The following SIAH3 variants were observed in gnomAD, a reference collection of about 807,000 sequenced individuals.
SIAH3 encodes the protein seven in absentia homolog 3.
SIAH3 carries 9 observed loss-of-function variants against 12.6 expected under a neutral mutation model. The ratio of observed to expected loss-of-function variants is 0.72; its 90% CI spans 0.43 to 1.25. The LOEUF is 1.25. SIAH3 is among the 50% of genes most tolerant of loss of function. The pLI is 0.00. For synonymous variants in SIAH3, 154 were observed against 151.1 expected (o/e 1.02, Z -0.14); for missense variants, 390 against 365.4 (o/e 1.07, Z -0.55).
chr13:45,793,951 G>A (rs1489859703), intron 1 of SIAH3, among the ~76,000 whole-genome samples: 1 of 152,244 alleles, frequency 6.6e-6, no homozygotes, highest in East Asian at 1.9e-4. Flanking sequence ...AGAAGACACG[G>A]ATGCAGAGAA....
chr13:45,850,649 T>C (rs1439082465), intron 1 of SIAH3, among the ~76,000 whole-genome samples: 1 of 151,830 alleles, frequency 6.6e-6, no homozygotes, highest in Non-Finnish European at 1.5e-5. Context: ...CCTTTCCCAG[T>C]CAGTCTTGGC....
intron 1 of SIAH3, among the ~76,000 whole-genome samples, chr13:45,840,389 G>A (rs1950735967): frequency 6.6e-6 from 1 of 152,182 alleles, no homozygotes; most frequent in East Asian, 1.9e-4. Flanking sequence ...ATTATCCTGA[G>A]GATTTTTTAA....
intron 1 of SIAH3, among the ~76,000 whole-genome samples, chr13:45,799,486 G>C (rs908501188): frequency 6.6e-6 from 1 of 152,330 alleles, no homozygotes; most frequent in South Asian, 2.1e-4. Flanking sequence ...CCTGCTGAGT[G>C]TCTGTTCTAA....
chr13:45,830,954 G>A (rs901999225), intron 1 of SIAH3, among the ~76,000 whole-genome samples: 10 of 152,218 alleles, frequency 6.6e-5, no homozygotes, highest in East Asian at 1.9e-4. Flanking sequence ...TGAGGCAGGC[G>A]GATCACCTGA....
intron 1 of SIAH3, among the ~76,000 whole-genome samples, chr13:45,839,431 T>TA (rs1216340043): frequency 2.6e-5 from 4 of 152,278 alleles, no homozygotes; most frequent in East Asian, 1.9e-4. Context: ...ACCCATTTCT[T>TA]AAAAAAACAT....
At chr13:45,797,400 T>C (rs936077773) in intron 1 of SIAH3, among the ~76,000 whole-genome samples, 3 of 152,190 alleles carry the variant, frequency 2.0e-5, no homozygotes, top group Non-Finnish European at 4.4e-5. Flanking sequence ...TCTTCCTCTC[T>C]GTCTGCATTT....
chr13:45,800,516 C>A (rs956115506), intron 1 of SIAH3, among the ~76,000 whole-genome samples: 1 of 152,194 alleles, frequency 6.6e-6, no homozygotes, highest in African/African-American at 2.4e-5. Flanking sequence ...GTGTCGATTT[C>A]TTTTGGGCCC....
intron 1 of SIAH3, among the ~76,000 whole-genome samples, chr13:45,786,544 T>C (rs937583653): frequency 6.6e-6 from 1 of 152,180 alleles, no homozygotes; most frequent in Admixed American, 6.5e-5. Flanking sequence ...ACTGTTTACG[T>C]GTTCAGTCAG....
intron 1 of SIAH3, among the ~76,000 whole-genome samples, chr13:45,797,836 T>A (rs574214725): frequency 6.6e-6 from 1 of 152,206 alleles, no homozygotes; most frequent in Non-Finnish European, 1.5e-5. Context: ...AGGAATCAAA[T>A]AGCATATTCT....
intron 1 of SIAH3, among the ~76,000 whole-genome samples, chr13:45,797,954 G>A (rs1001252513): frequency 6.6e-6 from 1 of 152,212 alleles, no homozygotes; most frequent in African/African-American, 2.4e-5. Context: ...ATTCCAGGGA[G>A]GGAATGCCTT....
chr13:45,805,975 C>T (rs1419176584), intron 1 of SIAH3, among the ~76,000 whole-genome samples: 1 of 152,128 alleles, frequency 6.6e-6, no homozygotes, highest in African/African-American at 2.4e-5. Flanking sequence ...AAATAATCCT[C>T]AACATCATTA....
Position 45,784,056 on chromosome 13 carries a change from T to C in SIAH3, c.137A>G (p.Tyr46Cys). The change falls in exon 2 of 2, where the codon TAT becomes TGT. Residue 46 changes from tyrosine to cysteine, a missense_variant and splice_region_variant. Physicochemically the swap from Tyr to Cys is radical, Grantham distance 194 (BLOSUM62 -2). Coordinates refer to ENST00000400405, the MANE Select transcript of SIAH3 (RefSeq NM_198849.3). ...AGTGACGGCGCGCCGACTGGACACATACTGTAAGGAAAGAGAAGAACGTCA... is the reference window on the plus strand; with the variant it reads ...AGTGACGGCGCGCCGACTGGACACACACTGTAAGGAAAGAGAAGAACGTCA... ...CVVNPTHNLK[Y>C]VSSRRAVTQS... 3 of 1,572,894 alleles carry C rather than the reference T, an allele frequency of 1.9e-6. No individual in the cohort carries two copies. The highest frequency in any genetic ancestry group is 1.8e-5 in the Admixed American group (1 of 55,680).
chr13:45,850,309 G>T (rs1338436033), intron 1 of SIAH3, among the ~76,000 whole-genome samples: 1 of 152,204 alleles, frequency 6.6e-6, no homozygotes, highest in Admixed American at 6.5e-5. Context: ...CGGGGCTCCA[G>T]CTGAGGACAG....
chr13:45,836,690 GGGA>G lies in SIAH3; in HGVS notation c.135+14802_135+14804del, dbSNP rs1228947413. On this transcript the variant is annotated intron_variant, in intron 1 of 1. Transcript: ENST00000400405. ...ATGCTGAGTTTACTACCTGGGTGAT[GGGA>G]TGATCTGTGCAGTAAACCAACATGG... Among the ~76,000 whole-genome samples, 78 of 152,236 alleles carry G rather than the reference GGGA, an allele frequency of 5.1e-4. 1 individual carries two copies. In the East Asian group the frequency reaches 7.3e-3, roughly 14 times the overall value.
chr13:45,836,888 C>T (rs2137580368), intron 1 of SIAH3, among the ~76,000 whole-genome samples: 1 of 152,320 alleles, frequency 6.6e-6, no homozygotes, highest in East Asian at 1.9e-4. Context: ...TGCCAGTGGT[C>T]ACTTTGCAGA....
rs1393870008 is a variant in SIAH3 at position 45,781,020 on chromosome 13, T to C, written c.*2363A>G. 2.0e-5 allele frequency: 3 copies of C among 152,560 alleles called. No homozygotes were observed. Among genetic ancestry groups the C allele is most frequent in the African/African-American group, 7.2e-5 (3 of 41,460 alleles). The allele number at this position is 152,560 out of a possible 1,614,324, so 9.5% of individuals were successfully genotyped here. ...GAGGCCTTTTGGGGAGCACCATAGA[T>C]GGAAGATAATAATACATTTCCCATG... On this transcript the variant is annotated 3_prime_UTR_variant, in exon 2 of 2. Coordinates refer to ENST00000400405, the MANE Select transcript of SIAH3 (RefSeq NM_198849.3).
At chr13:45,810,092 C>G (rs1005665924) in intron 1 of SIAH3, among the ~76,000 whole-genome samples, 1 of 152,162 alleles carries the variant, frequency 6.6e-6, no homozygotes, top group Non-Finnish European at 1.5e-5. Flanking sequence ...AGGCACAGTC[C>G]AACAAAGGTC....
chr13:45,788,995 T>A (rs371097048), intron 1 of SIAH3, among the ~76,000 whole-genome samples: 140 of 152,268 alleles, frequency 9.2e-4, no homozygotes, highest in African/African-American at 3.3e-3. Flanking sequence ...TGGGCAGGCA[T>A]CAGAGTACTG....
intron 1 of SIAH3, among the ~76,000 whole-genome samples, chr13:45,800,576 C>T (rs922004672): frequency 6.6e-6 from 1 of 152,128 alleles, no homozygotes; most frequent in African/African-American, 2.4e-5. Flanking sequence ...TTCAGATGGC[C>T]CCAAAAGCAG....
Sources: gnomAD v4.1 joint callset for allele counts (sites outside exome capture counted in the v4.1 genomes callset) on GRCh38, gnomAD v4.1.1 for gene constraint, MANE v1.5 for transcripts, NCBI Gene and HGNC (gene_info 2026-07-23, HGNC 2026-07-21) for gene names.